Variants in TRAK1 observed in about 807,000 individuals in gnomAD.
TRAK1 encodes trafficking kinesin-binding protein 1.
In TRAK1, 33 loss-of-function variants were observed where a neutral mutation model predicts 92.1. That is an observed-to-expected ratio of 0.36 (90% CI 0.27 to 0.48). The LOEUF (loss-of-function observed/expected upper bound fraction) is 0.48. Ranked by LOEUF, TRAK1 falls within the 20% of genes least tolerant of loss-of-function variation. The probability of loss-of-function intolerance (pLI) is 0.99; values close to 1 mark genes in which losing one functional copy is unlikely to be tolerated. For synonymous variants in TRAK1, 521 were observed against 517.3 expected, an observed-to-expected ratio of 1.01 and a Z score of -0.10; for missense variants, 1,123 against 1,257.9, an observed-to-expected ratio of 0.89 and a Z score of 1.62.
intron 1 of TRAK1, among the ~76,000 whole-genome samples, chr3:42,040,602 G>T (rs1049055882): frequency 9.9e-5 from 15 of 151,930 alleles, no homozygotes; most frequent in African/African-American, 3.4e-4. Flanking sequence ...TAAATGTAAG[G>T]GTTTATTTAT....
chr3:42,036,790 A>T (rs1172714955), intron 1 of TRAK1, among the ~76,000 whole-genome samples: 1 of 152,150 alleles, frequency 6.6e-6, no homozygotes, highest in African/African-American at 2.4e-5. Flanking sequence ...TCGCTCTGTC[A>T]CCCAGCTGGA....
chr3:42,061,445 A>G (rs1221539672), intron 1 of TRAK1, among the ~76,000 whole-genome samples: 1 of 151,588 alleles, frequency 6.6e-6, no homozygotes, highest in African/African-American at 2.4e-5. Flanking sequence ...CTGGATACAG[A>G]GTGGACCCTG....
chr3:42,049,446 T>G (rs1702895426), intron 1 of TRAK1, among the ~76,000 whole-genome samples: 1 of 151,970 alleles, frequency 6.6e-6, no homozygotes, highest in Non-Finnish European at 1.5e-5. Flanking sequence ...TTAAAATTAT[T>G]TATTTATTTA....
At chr3:42,014,964 G>A (rs1460966405) in intron 1 of TRAK1, among the ~76,000 whole-genome samples, 1 of 152,168 alleles carries the variant, frequency 6.6e-6, no homozygotes, top group African/African-American at 2.4e-5. Context: ...ATAGGGAAAC[G>A]GTCTAGTTCC....
At chr3:42,205,669 G>A (rs1322833294) in intron 13 of TRAK1, among the ~76,000 whole-genome samples, 3 of 152,178 alleles carry the variant, frequency 2.0e-5, no homozygotes, top group Admixed American at 6.5e-5. Context: ...ATGTAAATAA[G>A]GGAAAGGATA....
rs558211378 is a variant in TRAK1, at chr3:42,208,221, T to C, written c.1745-1546T>C. On this transcript the variant is annotated intron_variant, in intron 13 of 15. Coordinates refer to ENST00000327628, the MANE Select transcript of TRAK1 (RefSeq NM_001042646.3). ...ATATTTAATAGATCCAAATTAAGTA[T>C]GTTGCTATTGTACCCGTGAACCCTT... Among the ~76,000 whole-genome samples the C allele has an allele frequency of 1.8e-4, 28 of 152,246 alleles. 1 individual carries two copies. The highest frequency in any genetic ancestry group is 3.2e-4 in the Non-Finnish European group (22 of 68,044).
intron 2 of TRAK1, among the ~76,000 whole-genome samples, chr3:42,152,567 C>T (rs1280295480): frequency 6.6e-6 from 1 of 152,128 alleles, no homozygotes; most frequent in African/African-American, 2.4e-5. Context: ...TTAGCACATG[C>T]TTTGGGGGAT....
At chr3:42,187,992 G>A in intron 4 of TRAK1, 53 bp from the exon 5 acceptor site, 1 of 1,466,666 alleles carries the variant, frequency 6.8e-7, no homozygotes, top group Admixed American at 1.7e-5. Flanking sequence ...TGAGTCGGGG[G>A]GGACAGTATC....
At chr3:42,157,489 A>AAAAAAAAAAAAG (rs1553739632) in intron 2 of TRAK1, among the ~76,000 whole-genome samples, 5 of 144,720 alleles carry the variant, frequency 3.5e-5, no homozygotes, top group Non-Finnish European at 6.1e-5. Flanking sequence ...AAAAAAAAAA[A>AAAAAAAAAAAAG]GGTTAACATT....
intron 14 of TRAK1, chr3:42,218,411 T>C (rs1343313140): frequency 1.0e-6 from 1 of 974,032 alleles, no homozygotes; most frequent in Non-Finnish European, 1.2e-6. Flanking sequence ...TCCCAGGAGG[T>C]CTCTGGGGGC....
At chr3:42,063,605 G>C (rs1206360081) in intron 1 of TRAK1, among the ~76,000 whole-genome samples, 1 of 151,916 alleles carries the variant, frequency 6.6e-6, no homozygotes, top group East Asian at 1.9e-4. Flanking sequence ...ATGATTGCTT[G>C]AGCCTGGGAG....
At chr3:42,148,409 T>C (rs1699583164) in intron 2 of TRAK1, among the ~76,000 whole-genome samples, 1 of 152,244 alleles carries the variant, frequency 6.6e-6, no homozygotes, top group Admixed American at 6.5e-5. Context: ...TCTGTCTTAT[T>C]ATCCACTACC....
intron 15 of TRAK1, 90 bp downstream of exon 15, chr3:42,219,686 T>G: frequency 6.8e-7 from 1 of 1,461,234 alleles, no homozygotes; most frequent in South Asian, 1.2e-5. Flanking sequence ...GAAAGCCAAG[T>G]AGAGAGGCTC....
intron 13 of TRAK1, chr3:42,204,089 T>A (rs1708042369): frequency 5.1e-6 from 5 of 985,774 alleles, no homozygotes; most frequent in South Asian, 9.4e-5. Context: ...AAGGTATAGC[T>A]TACTCTTTTT....
chr3:42,055,459 C>T (rs1685857565), intron 1 of TRAK1, among the ~76,000 whole-genome samples: 1 of 152,096 alleles, frequency 6.6e-6, no homozygotes, highest in African/African-American at 2.4e-5. Flanking sequence ...GCAACATCAC[C>T]ACAGCAAATC....
chr3:42,074,009 G>C (rs1704044883), intron 1 of TRAK1, among the ~76,000 whole-genome samples: 1 of 152,146 alleles, frequency 6.6e-6, no homozygotes, highest in Non-Finnish European at 1.5e-5. Flanking sequence ...ACGACAAGAG[G>C]GTTGTTTTAA....
intron 3 of TRAK1, among the ~76,000 whole-genome samples, chr3:42,182,677 G>C (rs563895061): frequency 6.6e-6 from 1 of 152,276 alleles, no homozygotes; most frequent in East Asian, 1.9e-4. Context: ...GGAGGAGAGA[G>C]ACCATCATCC....
chr3:42,046,613 G>A (rs764425922), intron 1 of TRAK1, among the ~76,000 whole-genome samples: 62 of 152,192 alleles, frequency 4.1e-4, no homozygotes, highest in Non-Finnish European at 7.2e-4. Flanking sequence ...CTGCTGGGAA[G>A]ATGGAATTAA....
intron 6 of TRAK1, among the ~76,000 whole-genome samples, chr3:42,190,663 T>C (rs1187650528): frequency 6.6e-6 from 1 of 152,192 alleles, no homozygotes; most frequent in Non-Finnish European, 1.5e-5. Flanking sequence ...ATCCATTTTC[T>C]GAAGTGTAAT....
Sources: gnomAD v4.1 joint callset for allele counts (sites outside exome capture counted in the v4.1 genomes callset) on GRCh38, gnomAD v4.1.1 for gene constraint, MANE v1.5 for transcripts, NCBI Gene and HGNC (gene_info 2026-07-23, HGNC 2026-07-21) for gene names.